EYS: variants seen among roughly 807,000 people sequenced by gnomAD.
EYS encodes the protein protein eyes shut homolog.
EYS carries 250 observed loss-of-function variants against 282.1 expected under a neutral mutation model. That is an observed-to-expected ratio of 0.89 (90% CI 0.80 to 0.98). EYS has a LOEUF of 0.98. Among genes scored for constraint, EYS ranks in the 50% least tolerant of loss-of-function variants. The pLI is 0.00. For synonymous variants in EYS, 1,355 were observed against 1,282.9 expected, an observed-to-expected ratio of 1.06 and a Z score of -1.20; for missense variants, 4,016 against 3,709.0, an observed-to-expected ratio of 1.08 and a Z score of -2.15.
chr6:65,073,864 A>C (rs1259337648), intron 12 of EYS, among the ~76,000 whole-genome samples: 1 of 151,972 alleles, frequency 6.6e-6, no homozygotes, highest in Non-Finnish European at 1.5e-5. Context: ...ATATTTTAAA[A>C]ATGCGCACAA....
chr6:65,434,610 C>A (rs1044542335), intron 5 of EYS, among the ~76,000 whole-genome samples: 1 of 152,082 alleles, frequency 6.6e-6, no homozygotes, highest in Admixed American at 6.6e-5. Flanking sequence ...TGAGCCACCG[C>A]GCCCGGCCAC....
In EYS at chr6:65,318,872, G is replaced by T. The variant is rs1452807492; in HGVS notation, c.1766+16108C>A. Among the ~76,000 whole-genome samples, 3 of 149,932 alleles carry T rather than the reference G, an allele frequency of 2.0e-5. No homozygotes were observed. The East Asian group carries it at 6.0e-4, about 30-fold the overall frequency. On this transcript the variant is annotated intron_variant, in intron 11 of 42. Coordinates refer to ENST00000503581, the MANE Select transcript of EYS (RefSeq NM_001142800.2). ...GGCCAGGCTGGTCTCAAACTCCTGA[G>T]CTCAAGGGATCCACCCGCCTTGGCC...
intron 12 of EYS, among the ~76,000 whole-genome samples, chr6:65,273,020 G>A (rs961136959): frequency 1.3e-5 from 2 of 152,118 alleles, no homozygotes; most frequent in Admixed American, 6.6e-5. Context: ...TGCAATAACC[G>A]TAACAGTCAA....
intron 12 of EYS, among the ~76,000 whole-genome samples, chr6:65,110,572 A>T (rs1397971588): frequency 1.3e-5 from 2 of 152,104 alleles, no homozygotes; most frequent in South Asian, 2.1e-4. Flanking sequence ...CAGAAATAAG[A>T]GTAAATAGAG....
intron 11 of EYS, among the ~76,000 whole-genome samples, chr6:65,325,020 C>T (rs963585577): frequency 1.3e-5 from 2 of 152,134 alleles, no homozygotes; most frequent in Non-Finnish European, 2.9e-5. Context: ...GCAGACATGC[C>T]CCTATAACTT....
At chr6:65,512,357 C>T (rs1381577101) in intron 2 of EYS, among the ~76,000 whole-genome samples, 13 of 151,560 alleles carry the variant, frequency 8.6e-5, no homozygotes, top group Non-Finnish European at 1.8e-4. Flanking sequence ...CCGGGTGTGG[C>T]GAGCACCTGT....
chr6:64,404,585 C>T (rs1266449111), intron 28 of EYS, among the ~76,000 whole-genome samples: 3 of 152,144 alleles, frequency 2.0e-5, no homozygotes, highest in African/African-American at 2.4e-5. Flanking sequence ...ACAGTCCACG[C>T]TGGATGCAAG....
At chr6:64,787,782 T>A (rs1346592726) in intron 22 of EYS, among the ~76,000 whole-genome samples, 3 of 151,004 alleles carry the variant, frequency 2.0e-5, no homozygotes, top group Admixed American at 2.0e-4. Context: ...TTTCTCATTT[T>A]ACTTCTGTGT....
At chr6:64,973,526 G>A (rs1031746397) in intron 14 of EYS, among the ~76,000 whole-genome samples, 69 of 152,058 alleles carry the variant, frequency 4.5e-4, no homozygotes, top group African/African-American at 1.5e-3. Flanking sequence ...CTCTCTAAGA[G>A]TCCCAAAGGA....
At chr6:65,579,450 G>A (rs1027077619) in intron 2 of EYS, among the ~76,000 whole-genome samples, 4 of 152,012 alleles carry the variant, frequency 2.6e-5, no homozygotes, top group Non-Finnish European at 5.9e-5. Flanking sequence ...TAGCCAGCTC[G>A]GCTGCCAAAA....
At chr6:65,023,190 T>A (rs1772300212) in intron 13 of EYS, among the ~76,000 whole-genome samples, 1 of 152,156 alleles carries the variant, frequency 6.6e-6, no homozygotes, top group African/African-American at 2.4e-5. Flanking sequence ...TTTATCTCAG[T>A]AAAGCTATTA....
intron 22 of EYS, among the ~76,000 whole-genome samples, chr6:64,747,949 G>T (rs546318375): frequency 2.6e-5 from 4 of 152,280 alleles, no homozygotes; most frequent in Non-Finnish European, 5.9e-5. Context: ...CATACACTTT[G>T]TCAGTTGTTG....
At chr6:63,853,142 G>A (rs1291050296) in intron 36 of EYS, among the ~76,000 whole-genome samples, 1 of 152,146 alleles carries the variant, frequency 6.6e-6, no homozygotes, top group African/African-American at 2.4e-5. Context: ...GGGCAATAAG[G>A]CAAGAGAAAG....
At chr6:65,122,426 G>A (rs187432750) in intron 12 of EYS, among the ~76,000 whole-genome samples, 1 of 152,188 alleles carries the variant, frequency 6.6e-6, no homozygotes, top group African/African-American at 2.4e-5. Context: ...GACATAATAA[G>A]GTGAAAGTTA....
At chr6:64,415,081 C>T (rs1459015528) in intron 28 of EYS, among the ~76,000 whole-genome samples, 4 of 152,060 alleles carry the variant, frequency 2.6e-5, no homozygotes, top group Non-Finnish European at 4.4e-5. Flanking sequence ...GTTGTATGAA[C>T]ACAAACACAA....
chr6:64,112,174 C>T (rs1223549548), intron 31 of EYS, among the ~76,000 whole-genome samples: 3 of 151,832 alleles, frequency 2.0e-5, no homozygotes, highest in African/African-American at 7.3e-5. Context: ...ATTATATAAC[C>T]CTCTAATATG....
intron 2 of EYS, among the ~76,000 whole-genome samples, chr6:65,626,100 C>A (rs2149804873): frequency 6.6e-6 from 1 of 152,184 alleles, no homozygotes; most frequent in Non-Finnish European, 1.5e-5. Flanking sequence ...GTCTCTTAGT[C>A]CCTAAGAGGT....
At chr6:65,105,050 C>T (rs1465618103) in intron 12 of EYS, among the ~76,000 whole-genome samples, 1 of 151,252 alleles carries the variant, frequency 6.6e-6, no homozygotes, top group Non-Finnish European at 1.5e-5. Context: ...CATGTTTTTC[C>T]ATGGTTAAAA....
chr6:64,293,283 T>G (rs759124295), intron 30 of EYS, among the ~76,000 whole-genome samples: 4 of 152,114 alleles, frequency 2.6e-5, no homozygotes, highest in South Asian at 2.1e-4. Flanking sequence ...TTCTAGATAG[T>G]TACCACAAAT....
Sources: allele counts gnomAD v4.1 joint callset (sites outside exome capture counted in the v4.1 genomes callset), GRCh38; gene constraint gnomAD v4.1.1; transcripts MANE v1.5; gene names NCBI Gene and HGNC (gene_info 2026-07-23, HGNC 2026-07-21).